Variants in SAMD3 observed in about 807,000 individuals in gnomAD.
SAMD3 encodes the protein sterile alpha motif domain-containing protein 3.
SAMD3 carries 63 observed loss-of-function variants against 58.5 expected under a neutral mutation model. The ratio of observed to expected loss-of-function variants is 1.08; its 90% CI spans 0.88 to 1.33. The LOEUF (loss-of-function observed/expected upper bound fraction) is 1.33, where lower values mean the gene tolerates loss of function less well. Among genes scored for constraint, SAMD3 ranks in the 40% most tolerant of loss-of-function variants. The pLI, the probability that SAMD3 is intolerant of heterozygous loss-of-function variation, is 0.00. For missense variants in SAMD3, 604 were observed against 608.4 expected (o/e 0.99, Z 0.08); for synonymous variants, 220 against 210.3 (o/e 1.05, Z -0.40).
At chr6:130,190,194 G>A (rs1364131423) in intron 5 of SAMD3, among the ~76,000 whole-genome samples, 6 of 152,126 alleles carry the variant, frequency 3.9e-5, no homozygotes, top group African/African-American at 7.2e-5. Context: ...AGTTTTCCAC[G>A]TGAGTCCAAC....
intron 8 of SAMD3, among the ~76,000 whole-genome samples, chr6:130,156,262 G>A (rs779491998): frequency 2.7e-5 from 4 of 150,548 alleles, no homozygotes; most frequent in African/African-American, 7.3e-5. Flanking sequence ...TGCTTGAACC[G>A]GGAAGCAGAG....
intron 2 of SAMD3, among the ~76,000 whole-genome samples, chr6:130,311,482 T>C (rs889189504): frequency 6.6e-6 from 1 of 152,062 alleles, no homozygotes; most frequent in African/African-American, 2.4e-5. Context: ...AGGGGGAAAT[T>C]TTACAGGCGT....
At chr6:130,363,096 A>G (rs1778033814) in intron 1 of SAMD3, among the ~76,000 whole-genome samples, 1 of 152,206 alleles carries the variant, frequency 6.6e-6, no homozygotes, top group Non-Finnish European at 1.5e-5. Flanking sequence ...TAGCAGAAAT[A>G]CTACAGGGGT....
At chr6:130,249,104 C>A (rs1438766250) in intron 2 of SAMD3, among the ~76,000 whole-genome samples, 1 of 152,150 alleles carries the variant, frequency 6.6e-6, no homozygotes, top group East Asian at 1.9e-4. Context: ...GGACCAGTGG[C>A]ATGCCCCATA....
intron 1 of SAMD3, among the ~76,000 whole-genome samples, chr6:130,341,580 G>A (rs1216784310): frequency 1.3e-5 from 2 of 152,128 alleles, no homozygotes; most frequent in East Asian, 1.9e-4. Context: ...TAAAGTTCAC[G>A]GCACATGCAA....
chr6:130,146,573 C>CTGT (rs1562362756), intron 9 of SAMD3, among the ~76,000 whole-genome samples: 2 of 152,186 alleles, frequency 1.3e-5, no homozygotes, highest in African/African-American at 4.8e-5. Flanking sequence ...AAGAACAAAA[C>CTGT]TGTTAGATTT....
intron 2 of SAMD3, among the ~76,000 whole-genome samples, chr6:130,258,164 T>A (rs747605428): frequency 1.6e-4 from 25 of 152,188 alleles, no homozygotes; most frequent in Non-Finnish European, 3.4e-4. Flanking sequence ...GTATGTATCT[T>A]TTGATCTATT....
chr6:130,348,446 C>G (rs546355870), intron 1 of SAMD3, among the ~76,000 whole-genome samples: 42 of 151,864 alleles, frequency 2.8e-4, no homozygotes, highest in African/African-American at 4.1e-4. Context: ...GGATAAAACA[C>G]ACTTTAAACC....
chr6:130,192,514 C>T (rs1039689603), intron 5 of SAMD3, among the ~76,000 whole-genome samples: 5 of 152,094 alleles, frequency 3.3e-5, no homozygotes, highest in Admixed American at 2.6e-4. Context: ...CACTGAGTAC[C>T]TTGTGACCCC....
intron 1 of SAMD3, among the ~76,000 whole-genome samples, chr6:130,323,590 G>A (rs1399469415): frequency 1.3e-5 from 2 of 151,794 alleles, no homozygotes; most frequent in Non-Finnish European, 1.5e-5. Context: ...ATCACTTGAG[G>A]CCAGGAGTTC....
chr6:130,352,423 C>T (rs990176625), intron 1 of SAMD3, among the ~76,000 whole-genome samples: 35 of 152,152 alleles, frequency 2.3e-4, no homozygotes, highest in African/African-American at 4.6e-4. Context: ...CTTCACTTTA[C>T]GACTTTTCTT....
At chr6:130,146,260 A>G (rs1456248662) in intron 9 of SAMD3, 79 bp from the exon 10 acceptor site, 2 of 893,034 alleles carry the variant, frequency 2.2e-6, no homozygotes, top group African/African-American at 3.4e-5. Context: ...TAAAACCTTT[A>G]GAATTAAGCT....
intron 1 of SAMD3, among the ~76,000 whole-genome samples, chr6:130,317,512 T>G (rs968871886): frequency 6.6e-6 from 1 of 152,246 alleles, no homozygotes. Context: ...GTAATAGGGT[T>G]CATTAGGAAA....
intron 2 of SAMD3, among the ~76,000 whole-genome samples, chr6:130,229,151 C>T (rs1055443842): frequency 1.1e-4 from 16 of 152,182 alleles, no homozygotes; most frequent in Non-Finnish European, 1.5e-4. Flanking sequence ...TTTGCATAAA[C>T]GGGAGCCCCA....
At chr6:130,339,716 T>C (rs2115022006) in intron 1 of SAMD3, among the ~76,000 whole-genome samples, 1 of 152,324 alleles carries the variant, frequency 6.6e-6, no homozygotes, top group South Asian at 2.1e-4. Flanking sequence ...TTCCTCTTTA[T>C]TCCATGCTCT....
intron 2 of SAMD3, among the ~76,000 whole-genome samples, chr6:130,285,900 C>A (rs1775138159): frequency 2.0e-5 from 3 of 152,050 alleles, no homozygotes. Flanking sequence ...ATGGTAGGAC[C>A]TTGAAGACTT....
intron 8 of SAMD3, chr6:130,159,462 C>CG (rs1790087338): frequency 6.6e-6 from 1 of 152,122 alleles, no homozygotes; most frequent in Non-Finnish European, 1.5e-5. Flanking sequence ...CACACAGAGG[C>CG]GGGTGGGAGA....
intron 5 of SAMD3, among the ~76,000 whole-genome samples, chr6:130,189,115 A>C (rs1178915929): frequency 1.3e-5 from 2 of 151,910 alleles, no homozygotes; most frequent in Non-Finnish European, 2.9e-5. Context: ...AAAAAAAAAA[A>C]AAACCAAAAA....
intron 2 of SAMD3, among the ~76,000 whole-genome samples, chr6:130,303,744 C>G (rs573993089): frequency 6.6e-6 from 1 of 152,218 alleles, no homozygotes; most frequent in East Asian, 1.9e-4. Flanking sequence ...CTCTTAACTC[C>G]TGTCCCAGTT....
Sources: allele counts gnomAD v4.1 joint callset (sites outside exome capture counted in the v4.1 genomes callset), GRCh38; gene constraint gnomAD v4.1.1; transcripts MANE v1.5; gene names NCBI Gene and HGNC (gene_info 2026-07-23, HGNC 2026-07-21).